TENM2: variants seen among roughly 807,000 people sequenced by gnomAD.
TENM2 encodes teneurin-2.
In TENM2, 52 loss-of-function variants were observed where a neutral mutation model predicts 245.2. That is an observed-to-expected ratio of 0.21 (90% CI 0.17 to 0.27). The LOEUF is 0.27. TENM2 is among the 10% of genes least tolerant of loss of function. TENM2 has a pLI of 1.00. For missense variants in TENM2, 3,046 were observed against 3,666.8 expected (o/e 0.83, Z 4.37); for synonymous variants, 1,363 against 1,438.9 (o/e 0.95, Z 1.19).
chr5:167,101,852 T>TATATATATATATATATATATAA, the TENM2 span, among the ~76,000 whole-genome samples: 1 of 110,888 alleles, frequency 9.0e-6, no homozygotes, highest in South Asian at 2.9e-4. Context: ...TATATATTTA[T>TATATATATATATATATATATAA]ATATATATAT....
intron 12 of TENM2, among the ~76,000 whole-genome samples, chr5:168,158,850 T>TATATATATATAC (rs1339051385): frequency 1.5e-3 from 94 of 62,246 alleles, no homozygotes; most frequent in African/African-American, 4.7e-3. Context: ...TATATATATA[T>TATATATATATAC]ACACACACAC....
At chr5:167,336,820 T>TAA (rs199669707) in intron 1 of TENM2, among the ~76,000 whole-genome samples, 16 of 144,868 alleles carry the variant, frequency 1.1e-4, no homozygotes, top group African/African-American at 3.6e-4. Flanking sequence ...TGCAAATATT[T>TAA]AAAAAAAAAA....
chr5:167,125,475 G>A, the TENM2 span, among the ~76,000 whole-genome samples: 4 of 152,160 alleles, frequency 2.6e-5, no homozygotes, highest in Admixed American at 6.5e-5. Context: ...GGTGCCAAGA[G>A]GAGACCCTGA....
the TENM2 span, among the ~76,000 whole-genome samples, chr5:167,125,739 A>G: frequency 1.4e-4 from 22 of 152,280 alleles, no homozygotes; most frequent in African/African-American, 5.1e-4. Context: ...GGGAGACAAC[A>G]TAATTTGAGT....
intron 2 of TENM2, among the ~76,000 whole-genome samples, chr5:167,537,096 A>C (rs934157967): frequency 2.6e-5 from 4 of 152,014 alleles, no homozygotes; most frequent in African/African-American, 9.7e-5. Context: ...AATGATTTCG[A>C]GGGAATGGAT....
chr5:167,019,287 C>T, the TENM2 span, among the ~76,000 whole-genome samples: 775 of 151,990 alleles, frequency 5.1e-3, 7 homozygotes, highest in African/African-American at 0.017. Flanking sequence ...AACTGGTACA[C>T]GAAAGGTCAA....
rs1402115843 is a variant in TENM2 at position 168,247,099 on chromosome 5, C to T, written c.6160C>T (p.Leu2054Phe). The T allele has an allele frequency of 2.5e-6, 4 of 1,613,854 alleles. No individual in the cohort carries two copies. Among genetic ancestry groups the T allele is most frequent in the Non-Finnish European group, 3.4e-6 (4 of 1,179,904 alleles). Residue 2054 changes from leucine (L) to phenylalanine (F), a missense_variant, in exon 27 of 29, where the codon CTC becomes TTC. Physicochemically the swap from Leu to Phe is conservative, Grantham distance 22. This residue lies in a region of TENM2 where 2,704 missense variants were observed against 3,331.9 expected (regional missense o/e 0.81). Transcript: ENST00000518659. The surrounding 1 kb of genome is among the most constrained non-coding windows in gnomAD (Gnocchi z 7.8). ...CACTGGTGTCTTGAAGATGGTCAACCTCCAAAGTGGGGGCTTCTCCTGCAC... is the reference window on the plus strand; with the variant it reads ...CACTGGTGTCTTGAAGATGGTCAACTTCCAAAGTGGGGGCTTCTCCTGCAC...
chr5:168,230,514 C>T (rs969486170), intron 25 of TENM2, among the ~76,000 whole-genome samples: 36 of 152,290 alleles, frequency 2.4e-4, no homozygotes, highest in East Asian at 3.9e-4. Flanking sequence ...GTGGCCATTT[C>T]GTCAGATGTT....
rs774027523 is a variant in TENM2, at chr5:167,872,540, G to GAA, written c.503-3444_503-3443dup. ...AGAAAGAAAGAAAGAAAGAAAGAAAGAAAGAAAGAGAAAGAAAGAAAGAAA... is the reference window on the plus strand; with the variant it reads ...AGAAAGAAAGAAAGAAAGAAAGAAAGAAAAAGAAAGAGAAAGAAAGAAAGAAA... On this transcript the variant is annotated intron_variant, in intron 2 of 28. Coordinates refer to ENST00000518659, the Ensembl canonical transcript of TENM2. Among the ~76,000 whole-genome samples the GAA allele has an allele frequency of 5.0e-4, 25 of 49,924 alleles. 1 individual carries two copies. The highest frequency in any genetic ancestry group is 9.1e-3 in the Middle Eastern group (1 of 110). The allele number at this position is 49,924 out of a possible 152,430, so 32.8% of individuals were successfully genotyped here. A position where few individuals can be genotyped will look rare whatever the true frequency, so the allele number is the denominator to read the frequency against.
intron 2 of TENM2, among the ~76,000 whole-genome samples, chr5:167,572,360 A>C (rs1285820757): frequency 6.6e-6 from 1 of 152,202 alleles, no homozygotes; most frequent in Non-Finnish European, 1.5e-5. Context: ...GTTGGGACAT[A>C]AGATAGTTGA....
At chr5:168,086,545 GC>G (rs1485501383) in intron 7 of TENM2, among the ~76,000 whole-genome samples, 2 of 152,128 alleles carry the variant, frequency 1.3e-5, no homozygotes, top group African/African-American at 4.8e-5. Flanking sequence ...CCTCTGGGTG[GC>G]TGCAAGAGAC....
At chr5:167,646,516 G>A (rs972211078) in intron 2 of TENM2, among the ~76,000 whole-genome samples, 7 of 151,342 alleles carry the variant, frequency 4.6e-5, no homozygotes, top group Non-Finnish European at 1.5e-5. Context: ...GCTGAACCTC[G>A]GAATATGAGA....
chr5:167,149,737 T>A, the TENM2 span, among the ~76,000 whole-genome samples: 1 of 152,184 alleles, frequency 6.6e-6, no homozygotes, highest in Admixed American at 6.5e-5. Context: ...TTTCAGAAAA[T>A]CTTCCTTATC....
chr5:167,218,283 C>T, the TENM2 span, among the ~76,000 whole-genome samples: 1 of 152,008 alleles, frequency 6.6e-6, no homozygotes, highest in Non-Finnish European at 1.5e-5. Flanking sequence ...AATATAAGAT[C>T]CTATCAAATT....
chr5:168,056,296 G>A (rs1363410021), intron 6 of TENM2, among the ~76,000 whole-genome samples: 2 of 152,102 alleles, frequency 1.3e-5, no homozygotes, highest in African/African-American at 4.8e-5. Context: ...TTATCTCTTT[G>A]GAGGCAGTAT....
chr5:167,707,085 T>TTTC (rs1036840816), intron 2 of TENM2, among the ~76,000 whole-genome samples: 9 of 152,122 alleles, frequency 5.9e-5, no homozygotes, highest in African/African-American at 1.9e-4. Context: ...TTTCTTCTGT[T>TTTC]TTCTTCATAG....
intron 27 of TENM2, among the ~76,000 whole-genome samples, chr5:168,259,363 G>A (rs937811771): frequency 6.6e-6 from 1 of 152,076 alleles, no homozygotes; most frequent in Non-Finnish European, 1.5e-5. Context: ...TGAGGAGGGC[G>A]GATCACCTGA....
chr5:167,747,816 A>G (rs527290957), intron 2 of TENM2, among the ~76,000 whole-genome samples: 2 of 152,320 alleles, frequency 1.3e-5, no homozygotes, highest in South Asian at 2.1e-4. Flanking sequence ...ATTTGAATAA[A>G]TAAGTGTATC....
intron 2 of TENM2, among the ~76,000 whole-genome samples, chr5:167,838,633 A>C (rs1769218025): frequency 6.6e-6 from 1 of 151,862 alleles, no homozygotes; most frequent in Admixed American, 6.6e-5. Context: ...CCTCCTAAAA[A>C]CTCATATGAT....
Sources: allele counts gnomAD v4.1 joint callset (sites outside exome capture counted in the v4.1 genomes callset), GRCh38; gene constraint gnomAD v4.1.1; regional missense constraint gnomAD v4.1.1; non-coding constraint Gnocchi (gnomAD v3.1); transcripts MANE v1.5; gene names NCBI Gene and HGNC (gene_info 2026-07-23, HGNC 2026-07-21).